Variants in RIMS2 observed in about 807,000 individuals in gnomAD.
RIMS2 encodes regulating synaptic membrane exocytosis 2.
In RIMS2, 59 loss-of-function variants were observed where a neutral mutation model predicts 174.4. The observed-to-expected ratio is 0.34, with a 90% confidence interval of 0.27 to 0.42. The LOEUF (loss-of-function observed/expected upper bound fraction) is 0.42. Ranked by LOEUF, RIMS2 falls within the 10% of genes least tolerant of loss-of-function variation. RIMS2 has a pLI of 1.00. For synonymous variants in RIMS2, 606 were observed against 572.5 expected, an observed-to-expected ratio of 1.06 and a Z score of -0.84; for missense variants, 1,620 against 1,666.3, an observed-to-expected ratio of 0.97 and a Z score of 0.48.
At chr8:104,085,739 G>C (rs1391281212) in intron 19 of RIMS2, among the ~76,000 whole-genome samples, 1 of 152,162 alleles carries the variant, frequency 6.6e-6, no homozygotes, top group Non-Finnish European at 1.5e-5. Flanking sequence ...ACTGGGGAAG[G>C]AGGAGTCAAA....
intron 1 of RIMS2, among the ~76,000 whole-genome samples, chr8:103,589,993 A>C (rs1352823721): frequency 2.0e-5 from 3 of 151,308 alleles, no homozygotes; most frequent in Non-Finnish European, 3.0e-5. Context: ...AAAAATAGAA[A>C]TAATGAATAA....
intron 19 of RIMS2, among the ~76,000 whole-genome samples, chr8:104,016,898 TG>T (rs1435496376): frequency 6.6e-6 from 1 of 151,992 alleles, no homozygotes; most frequent in Non-Finnish European, 1.5e-5. Flanking sequence ...TCTTTACTAT[TG>T]TTTTTGTCCC....
chr8:104,210,575 A>C (rs1161662647), intron 19 of RIMS2, among the ~76,000 whole-genome samples: 3 of 152,128 alleles, frequency 2.0e-5, no homozygotes, highest in Non-Finnish European at 4.4e-5. Context: ...ACATACACAT[A>C]TCTCTCTTTT....
chr8:103,815,452 C>T (rs1036437460), intron 3 of RIMS2, among the ~76,000 whole-genome samples: 1 of 152,104 alleles, frequency 6.6e-6, no homozygotes, highest in African/African-American at 2.4e-5. Context: ...TCTGTTAGAA[C>T]TCTTATTATC....
intron 11 of RIMS2, among the ~76,000 whole-genome samples, chr8:103,928,348 T>C (rs2079191724): frequency 6.6e-6 from 1 of 151,616 alleles, no homozygotes; most frequent in South Asian, 2.1e-4. Context: ...TGTACCTTAC[T>C]TAAAATATGA....
At chr8:103,740,959 AG>A (rs1175442709) in intron 2 of RIMS2, among the ~76,000 whole-genome samples, 6 of 152,108 alleles carry the variant, frequency 3.9e-5, no homozygotes, top group Non-Finnish European at 5.9e-5. Context: ...ATTTTTAAAA[AG>A]ATAACCTTTT....
rs191991822 is a variant in RIMS2 at position 103,922,770 on chromosome 8, T to C, written c.2196+986T>C. 1.2e-4 allele frequency: 28 copies of C among 237,930 alleles called. 1 individual carries two copies. The highest frequency in any genetic ancestry group is 1.1e-3 in the Admixed American group (23 of 20,926). 14.7% of individuals were successfully genotyped at this position (237,930 alleles called of 1,614,324 possible). On this transcript the variant is annotated intron_variant, in intron 10 of 23. Transcript: ENST00000504942. ...GGTGGGTGGGGAGGAAAGGGTAGTA[T>C]TTGATTTTTCTGAAGTATTTTCATT... is the stretch of plus-strand genomic sequence containing the variant.
intron 1 of RIMS2, among the ~76,000 whole-genome samples, chr8:103,520,451 A>G (rs1389182854): frequency 6.6e-6 from 1 of 152,130 alleles, no homozygotes; most frequent in Non-Finnish European, 1.5e-5. Context: ...GAGATTGTTG[A>G]TAACAGCAAA....
intron 1 of RIMS2, among the ~76,000 whole-genome samples, chr8:103,657,379 G>A (rs2096544152): frequency 6.6e-6 from 1 of 152,144 alleles, no homozygotes; most frequent in Admixed American, 6.5e-5. Context: ...AAGTGTCATA[G>A]GTCACTTTTG....
chr8:104,177,070 C>G (rs1037328352), intron 19 of RIMS2, among the ~76,000 whole-genome samples: 16 of 152,008 alleles, frequency 1.1e-4, no homozygotes, highest in African/African-American at 3.6e-4. Context: ...ATGTTTATAA[C>G]TAACTATAAT....
chr8:104,083,269 A>G (rs914675491), intron 19 of RIMS2, among the ~76,000 whole-genome samples: 9 of 152,140 alleles, frequency 5.9e-5, no homozygotes, highest in African/African-American at 2.2e-4. Context: ...AAGTTACGCT[A>G]TTACCTTCTA....
intron 1 of RIMS2, among the ~76,000 whole-genome samples, chr8:103,677,350 A>C (rs2136557681): frequency 6.6e-6 from 1 of 152,276 alleles, no homozygotes; most frequent in South Asian, 2.1e-4. Context: ...ATTTACTGCC[A>C]GTTTCTACCT....
At chr8:103,578,152 A>G (rs558527833) in intron 1 of RIMS2, among the ~76,000 whole-genome samples, 1 of 152,354 alleles carries the variant, frequency 6.6e-6, no homozygotes, top group Admixed American at 6.5e-5. Flanking sequence ...TTAGACCCAA[A>G]TAAGAGTACC....
intron 1 of RIMS2, among the ~76,000 whole-genome samples, chr8:103,633,401 A>G (rs2095994360): frequency 1.3e-5 from 2 of 151,972 alleles, no homozygotes; most frequent in African/African-American, 4.8e-5. Context: ...CTACTTGATC[A>G]TGGTGGATTA....
intron 12 of RIMS2, among the ~76,000 whole-genome samples, chr8:103,933,758 G>A (rs1458920042): frequency 6.6e-6 from 1 of 152,152 alleles, no homozygotes; most frequent in Non-Finnish European, 1.5e-5. Flanking sequence ...AACTCAAAAA[G>A]TTACATTATC....
intron 19 of RIMS2, among the ~76,000 whole-genome samples, chr8:104,137,630 A>G (rs2098532104): frequency 6.6e-6 from 1 of 152,182 alleles, no homozygotes; most frequent in African/African-American, 2.4e-5. Context: ...AGATACTTAG[A>G]AGAGAAGCAT....
intron 17 of RIMS2, among the ~76,000 whole-genome samples, chr8:104,003,550 A>C (rs2154552464): frequency 6.6e-6 from 1 of 152,164 alleles, no homozygotes; most frequent in South Asian, 2.1e-4. Context: ...AGTAGCTGAG[A>C]TTACAAGCAT....
At chr8:103,619,201 G>A (rs888893601) in intron 1 of RIMS2, among the ~76,000 whole-genome samples, 7 of 151,408 alleles carry the variant, frequency 4.6e-5, no homozygotes, top group African/African-American at 1.7e-4. Context: ...AGAAATATAT[G>A]AAGTAAGAGT....
chr8:104,004,780 T>C (rs1288611618), intron 17 of RIMS2, among the ~76,000 whole-genome samples: 3 of 151,892 alleles, frequency 2.0e-5, no homozygotes, highest in South Asian at 2.1e-4. Context: ...AACACACAGA[T>C]GGATTTTGTG....
Sources: allele counts gnomAD v4.1 joint callset (sites outside exome capture counted in the v4.1 genomes callset), GRCh38; gene constraint gnomAD v4.1.1; transcripts MANE v1.5; gene names NCBI Gene and HGNC (gene_info 2026-07-23, HGNC 2026-07-21).